The following ORC3 variants were observed in gnomAD, a reference collection of about 807,000 sequenced individuals.
The protein encoded by ORC3 is homolog of latheo, Drosophila.
ORC3 carries 78 observed loss-of-function variants against 100.7 expected under a neutral mutation model. That is an observed-to-expected ratio of 0.77 (90% CI 0.65 to 0.94). The LOEUF (loss-of-function observed/expected upper bound fraction) is 0.94, where lower values mean the gene tolerates loss of function less well. Ranked by LOEUF, ORC3 falls within the 40% of genes least tolerant of loss-of-function variation. ORC3 has a pLI of 0.00. For missense variants in ORC3, 789 were observed against 823.9 expected (o/e 0.96, Z 0.52); for synonymous variants, 295 against 289.3 (o/e 1.02, Z -0.20).
chr6:87,606,258 C>T (rs181616348), intron 5 of ORC3, among the ~76,000 whole-genome samples: 5 of 152,282 alleles, frequency 3.3e-5, no homozygotes, highest in Admixed American at 6.5e-5. Flanking sequence ...CTGCCGGTAG[C>T]AGTCCAGGCA....
At chr6:87,596,859 A>G (rs1582994687) in intron 2 of ORC3, among the ~76,000 whole-genome samples, 1 of 152,210 alleles carries the variant, frequency 6.6e-6, no homozygotes, top group South Asian at 2.1e-4. Context: ...TTATTTTAAT[A>G]TAATTGTAGA....
chr6:87,601,858 C>A lies in ORC3; in HGVS notation c.154C>A (p.Gln52Lys). 6.2e-7 allele frequency: 1 copy of A among 1,604,884 alleles called. No homozygotes were observed. The highest frequency in any genetic ancestry group is 8.5e-7 in the Non-Finnish European group (1 of 1,171,658). Reference sequence around the variant, plus strand: ...ATTCGAAACTTATCAGTTGATATGGCAGCAGATGAAATCTGAAAATGAGGT... The same window carrying A: ...ATTCGAAACTTATCAGTTGATATGGAAGCAGATGAAATCTGAAAATGAGGT... ...LRFETYQLIWQQMKSENERLQ... is the reference protein window; with the variant it reads ...LRFETYQLIWKQMKSENERLQ... The change falls in exon 3 of 20, where the codon CAG (glutamine) becomes AAG (lysine). Residue 52 changes from glutamine to lysine, a missense_variant. By Grantham distance (53) the Gln-to-Lys change is moderately conservative. Transcript: ENST00000392844.
intron 2 of ORC3, 131 bp from the exon 3 acceptor site, chr6:87,601,653 C>T: frequency 1.7e-6 from 1 of 596,316 alleles, no homozygotes; most frequent in Non-Finnish European, 3.0e-6. Flanking sequence ...GCCTGGGTGA[C>T]AGAGTGAGAC....
At chr6:87,627,650 A>G (rs1318994366) in intron 11 of ORC3, among the ~76,000 whole-genome samples, 1 of 133,304 alleles carries the variant, frequency 7.5e-6, no homozygotes, top group Admixed American at 7.3e-5. Flanking sequence ...TATGTATTAT[A>G]ATATACAATC....
At chr6:87,664,614 C>T in intron 17 of ORC3, 129 bp from the exon 18 acceptor site, 2 of 692,228 alleles carry the variant, frequency 2.9e-6, no homozygotes, top group South Asian at 1.7e-5. Context: ...TAGACTCACT[C>T]ACTAAATAAG....
In ORC3 at chr6:87,601,860, G is replaced by A. The variant is rs146668920; in HGVS notation, c.156G>A (p.Gln52=). 4.5e-4 allele frequency: 720 copies of A among 1,604,146 alleles called. 3 individuals carry two copies. The highest frequency in any genetic ancestry group is 1.5e-3 in the South Asian group (137 of 90,870). The change falls in exon 3 of 20, where the codon CAG becomes CAA. Residue 52 remains glutamine (Q), a synonymous_variant. Coordinates refer to ENST00000392844, the MANE Select transcript of ORC3 (RefSeq NM_012381.4). The part of the protein sequence containing the change: ...LRFETYQLIW[Q]QMKSENERLQ... ...TCGAAACTTATCAGTTGATATGGCA[G>A]CAGATGAAATCTGAAAATGAGGTGA...
chr6:87,677,728 C>T, the ORC3 span: 1 of 1,420,674 alleles, frequency 7.0e-7, no homozygotes, highest in Middle Eastern at 2.3e-4. Context: ...TATACCGCAC[C>T]AGTGTATAGA....
In ORC3 at chr6:87,594,318, C is replaced by T. The variant is rs1360114263; in HGVS notation, c.25-35C>T. On this transcript the variant is annotated intron_variant, in intron 1 of 19. Transcript: ENST00000392844. ...ATCAGATTTCTCTGCTCCTTGGCTA[C>T]TTTGACTTTATGCTTTTCGTCTTTC... 2.6e-6 allele frequency: 4 copies of T among 1,513,940 alleles called. No homozygotes were observed. The South Asian group carries it at 3.7e-5, about 14-fold the overall frequency. 93.8% of individuals were successfully genotyped at this position (1,513,940 alleles called of 1,614,324 possible).
chr6:87,638,015 C>T (rs541873659), intron 13 of ORC3, among the ~76,000 whole-genome samples: 1 of 152,280 alleles, frequency 6.6e-6, no homozygotes, highest in South Asian at 2.1e-4. Flanking sequence ...CTGAGGGAAC[C>T]AGGATTCTAC....
chr6:87,610,934 C>CTTTT (rs67349945), intron 7 of ORC3, among the ~76,000 whole-genome samples: 17 of 106,788 alleles, frequency 1.6e-4, no homozygotes, highest in East Asian at 2.6e-4. Flanking sequence ...TAGGACTTTT[C>CTTTT]TTTTTTTTTT....
At chr6:87,610,418 A>G (rs1171338912) in intron 7 of ORC3, among the ~76,000 whole-genome samples, 1 of 152,038 alleles carries the variant, frequency 6.6e-6, no homozygotes, top group Non-Finnish European at 1.5e-5. Context: ...CATATTAGCC[A>G]GGCTGGTCTC....
intron 2 of ORC3, among the ~76,000 whole-genome samples, chr6:87,599,421 G>A (rs1777717379): frequency 6.6e-6 from 1 of 151,540 alleles, no homozygotes; most frequent in Non-Finnish European, 1.5e-5. Context: ...AGGCTGGAGT[G>A]TAGTGGCACA....
At chr6:87,623,544 T>C (rs1031103048) in intron 11 of ORC3, among the ~76,000 whole-genome samples, 4 of 152,122 alleles carry the variant, frequency 2.6e-5, no homozygotes, top group Non-Finnish European at 4.4e-5. Context: ...CTTTAACCAT[T>C]GAGATGACAG....
chr6:87,609,236 G>A lies in ORC3; in HGVS notation c.713+7G>A. ...ACTTCATAATTATCAGCAGGTAGAT[G>A]GTGTATTACCTGGCTTTTATGAAAA... On this transcript the variant is annotated splice_region_variant and intron_variant, in intron 7 of 19. Coordinates refer to ENST00000392844, the MANE Select transcript of ORC3 (RefSeq NM_012381.4). 4 of 1,569,452 alleles carry A rather than the reference G, an allele frequency of 2.5e-6. No homozygotes were observed. The highest frequency in any genetic ancestry group is 3.4e-6 in the Non-Finnish European group (4 of 1,163,562).
chr6:87,596,163 T>TA (rs1257943613), intron 2 of ORC3, among the ~76,000 whole-genome samples: 2 of 151,410 alleles, frequency 1.3e-5, no homozygotes, highest in African/African-American at 4.9e-5. Context: ...TGTTTTTGTT[T>TA]TTTTTTTTTG....
At chr6:87,637,061 T>C (rs1055121001) in intron 13 of ORC3, among the ~76,000 whole-genome samples, 4 of 152,234 alleles carry the variant, frequency 2.6e-5, no homozygotes, top group Non-Finnish European at 5.9e-5. Context: ...TTTCACTTCT[T>C]ATATGTATAG....
intron 13 of ORC3, among the ~76,000 whole-genome samples, chr6:87,639,755 G>A (rs1368067187): frequency 4.0e-5 from 6 of 150,478 alleles, no homozygotes; most frequent in African/African-American, 1.2e-4. Context: ...CAAGGTGGGC[G>A]GATCACTTGA....
chr6:87,663,987 A>G (rs148636765), intron 17 of ORC3, among the ~76,000 whole-genome samples: 47 of 152,322 alleles, frequency 3.1e-4, no homozygotes, highest in African/African-American at 1.1e-3. Context: ...ATATAAGTCA[A>G]TGGTTTTCAG....
chr6:87,622,058 A>G (rs1374557816), intron 11 of ORC3, 45 bp downstream of exon 11: 1 of 1,229,442 alleles, frequency 8.1e-7, no homozygotes, highest in Non-Finnish European at 1.2e-6. Flanking sequence ...TTTTCCTTTC[A>G]TAAAGAAGAA....
Sources: gnomAD v4.1 joint callset for allele counts (sites outside exome capture counted in the v4.1 genomes callset) on GRCh38, gnomAD v4.1.1 for gene constraint, MANE v1.5 for transcripts, NCBI Gene and HGNC (gene_info 2026-07-23, HGNC 2026-07-21) for gene names.